Variants in MAPK1IP1L observed in about 807,000 individuals in gnomAD.
The protein encoded by MAPK1IP1L is MAPK-interacting and spindle-stabilizing protein-like.
MAPK1IP1L carries 10 observed loss-of-function variants against 18.1 expected under a neutral mutation model. That is an observed-to-expected ratio of 0.55 (90% CI 0.34 to 0.94). The LOEUF (loss-of-function observed/expected upper bound fraction) is 0.94. Ranked by LOEUF, MAPK1IP1L falls within the 40% of genes least tolerant of loss-of-function variation. MAPK1IP1L has a pLI of 0.02. For missense variants in MAPK1IP1L, 260 were observed against 318.2 expected (o/e 0.82, Z 1.39); for synonymous variants, 115 against 117.3 (o/e 0.98, Z 0.13).
At chr14:55,058,220 A>G (rs1383147170) in intron 1 of MAPK1IP1L, among the ~76,000 whole-genome samples, 1 of 152,230 alleles carries the variant, frequency 6.6e-6, no homozygotes, top group Non-Finnish European at 1.5e-5. Context: ...TAAAGATGGG[A>G]GAATGAGCCA....
In MAPK1IP1L at chr14:55,064,683, A is replaced by G. The variant is rs112088777; in HGVS notation, c.*56A>G. 3.3e-6 allele frequency: 5 copies of G among 1,528,670 alleles called. No individual in the cohort carries two copies. The highest frequency in any genetic ancestry group is 4.5e-6 in the Non-Finnish European group (5 of 1,110,072). 94.7% of individuals were successfully genotyped at this position (1,528,670 alleles called of 1,614,324 possible). A position where few individuals can be genotyped will look rare whatever the true frequency, so the allele number is the denominator to read the frequency against. On this transcript the variant is annotated 3_prime_UTR_variant, in exon 4 of 4. Coordinates refer to ENST00000395468, the MANE Select transcript of MAPK1IP1L (RefSeq NM_144578.4). ...CTTTTTGAAGTACATGTATATGCAC[A>G]TGAATGCATATATAAAAATTGCTGG...
intron 3 of MAPK1IP1L, 50 bp downstream of exon 3, chr14:55,063,375 C>T: frequency 6.9e-7 from 1 of 1,448,036 alleles, no homozygotes; most frequent in Non-Finnish European, 9.4e-7. Context: ...CATAGCACAA[C>T]TGACATTGTT....
chr14:55,051,856 G>C (rs1186379910), intron 1 of MAPK1IP1L, 53 bp downstream of exon 1: 1 of 437,682 alleles, frequency 2.3e-6, no homozygotes, highest in Non-Finnish European at 4.6e-6. Flanking sequence ...GGGGAGCTGG[G>C]GTTGCGGAGC....
intron 2 of MAPK1IP1L, 106 bp downstream of exon 2, chr14:55,061,807 C>T (rs2042820088): frequency 1.1e-6 from 1 of 916,002 alleles, no homozygotes; most frequent in Non-Finnish European, 1.6e-6. Flanking sequence ...ATGCTTTAAC[C>T]AGGCATGGTG....
rs1356481437 is a variant in MAPK1IP1L at position 55,062,628 on chromosome 14, C to T, written c.29C>T (p.Ala10Val). Reference sequence around the variant, plus strand: ...TGTTTTGTGTTCCAGTTGGCAGATGCACTACCTGAACACTCCCCTGCCAAA... The same window carrying T: ...TGTTTTGTGTTCCAGTTGGCAGATGTACTACCTGAACACTCCCCTGCCAAA... MSDEFSLAD[A>V]LPEHSPAKTS... Residue 10 changes from alanine (A) to valine (V), a missense_variant, in exon 3 of 4, where the codon GCA becomes GTA. Ala to Val is a moderately conservative substitution (Grantham distance 64). Transcript: ENST00000395468. The T allele has an allele frequency of 3.1e-6, 5 of 1,609,204 alleles. No homozygotes were observed. The highest frequency in any genetic ancestry group is 3.3e-4 in the Middle Eastern group (2 of 6,034).
rs531621252 is a variant in MAPK1IP1L at position 55,061,077 on chromosome 14, G to A, written c.-4-603G>A. On this transcript the variant is annotated intron_variant, in intron 1 of 3. Transcript: ENST00000395468. ...AGGCAAGAAGATGACTTGAGCCCAG[G>A]AGGTCAAGATTGCAGTGAGCTGTGA... Among the ~76,000 whole-genome samples the A allele has an allele frequency of 1.2e-4, 19 of 152,234 alleles. No individual in the cohort carries two copies. The South Asian group carries it at 3.9e-3, about 32-fold the overall frequency.
intron 1 of MAPK1IP1L, among the ~76,000 whole-genome samples, chr14:55,057,812 A>G (rs7161656): frequency 0.51 from 77,992 of 151,594 alleles, 21,881 homozygotes; most frequent in African/African-American, 0.75. Context: ...TAGCATGCCT[A>G]TGGTCCCAGC....
At chr14:55,060,295 C>G (rs113772282) in intron 1 of MAPK1IP1L, 6,289 of 150,952 alleles carry the variant, frequency 0.042, 140 homozygotes, top group Middle Eastern at 0.074. Context: ...CCTCAGCCTC[C>G]CAAGTAGCTG....
At chr14:55,052,957 G>A (rs1420004672) in intron 1 of MAPK1IP1L, among the ~76,000 whole-genome samples, 1 of 152,186 alleles carries the variant, frequency 6.6e-6, no homozygotes, top group Non-Finnish European at 1.5e-5. Context: ...AGTCATGTTA[G>A]ACGAGAGATA....
At chr14:55,053,952 C>A (rs899998020) in intron 1 of MAPK1IP1L, among the ~76,000 whole-genome samples, 1 of 152,126 alleles carries the variant, frequency 6.6e-6, no homozygotes, top group African/African-American at 2.4e-5. Flanking sequence ...AGAAGTGTTT[C>A]AGATTTTGGA....
At chr14:55,057,108 T>A (rs1428900601) in intron 1 of MAPK1IP1L, among the ~76,000 whole-genome samples, 1 of 152,220 alleles carries the variant, frequency 6.6e-6, no homozygotes, top group Non-Finnish European at 1.5e-5. Context: ...TGTAATTTTT[T>A]AAAATCTCAA....
At chr14:55,060,978 T>C (rs771838182) in intron 1 of MAPK1IP1L, among the ~76,000 whole-genome samples, 6 of 152,090 alleles carry the variant, frequency 3.9e-5, no homozygotes, top group Non-Finnish European at 8.8e-5. Context: ...GTCTCTGCAA[T>C]AAATTTTTAA....
At position 55,069,572 on chromosome 14, in the gene MAPK1IP1L, T is replaced by C. The variant is rs1239215358; in HGVS notation, c.*4945T>C. The C allele has an allele frequency of 1.3e-5, 2 of 152,618 alleles. No individual in the cohort carries two copies. The highest frequency in any genetic ancestry group is 1.9e-4 in the East Asian group (1 of 5,200). The allele number at this position is 152,618 out of a possible 1,614,324, so 9.5% of individuals were successfully genotyped here. A position where few individuals can be genotyped will look rare whatever the true frequency, so the allele number is the denominator to read the frequency against. On this transcript the variant is annotated 3_prime_UTR_variant, in exon 4 of 4. Coordinates refer to ENST00000395468, the MANE Select transcript of MAPK1IP1L (RefSeq NM_144578.4). ...AGATTTTTCATGTTATTTTATTCTT[T>C]AGGCCCAATTCTGGGCTTCTCTGAG...
At chr14:55,053,003 C>T (rs1356838230) in intron 1 of MAPK1IP1L, among the ~76,000 whole-genome samples, 2 of 152,218 alleles carry the variant, frequency 1.3e-5, no homozygotes, top group African/African-American at 2.4e-5. Context: ...CATAATCCAA[C>T]ATTAATATTT....
At chr14:55,052,616 A>C (rs542024742) in intron 1 of MAPK1IP1L, among the ~76,000 whole-genome samples, 1 of 152,348 alleles carries the variant, frequency 6.6e-6, no homozygotes, top group African/African-American at 2.4e-5. Flanking sequence ...TTTTACTACT[A>C]GAGAAATACA....
rs866053354 is a variant in MAPK1IP1L at position 55,063,252 on chromosome 14, A to G, written c.653A>G (p.Tyr218Cys). 3.1e-6 allele frequency: 5 copies of G among 1,614,124 alleles called. No homozygotes were observed. The highest frequency in any genetic ancestry group is 1.1e-5 in the South Asian group (1 of 91,086). ...PTGSYPTPGL[Y>C]PTPSNPFQVP... ...GGATCGTATCCCACACCAGGACTCT[A>G]TCCTACTCCCAGTAATCCTTTCCAA... is the stretch of plus-strand genomic sequence containing the variant. Residue 218 changes from tyrosine to cysteine, a missense_variant, in exon 3 of 4, where the codon TAT becomes TGT. Transcript: ENST00000395468.
rs549700331 is a variant in MAPK1IP1L, at chr14:55,064,839, G to A, written c.*212G>A. ...ATAAAAGCATAGAAGTAAATCATTC[G>A]GATGTGATTTTTATTTGGTTTTCAT... On this transcript the variant is annotated 3_prime_UTR_variant, in exon 4 of 4. Coordinates refer to ENST00000395468, the MANE Select transcript of MAPK1IP1L (RefSeq NM_144578.4). 2.8e-4 allele frequency: 119 copies of A among 426,610 alleles called. No homozygotes were observed. Among genetic ancestry groups the A allele is most frequent in the African/African-American group, 1.9e-3 (91 of 49,172 alleles). 26.4% of individuals were successfully genotyped at this position (426,610 alleles called of 1,614,324 possible).
chr14:55,056,775 C>T (rs2042775595), intron 1 of MAPK1IP1L, among the ~76,000 whole-genome samples: 1 of 152,170 alleles, frequency 6.6e-6, no homozygotes, highest in Non-Finnish European at 1.5e-5. Context: ...TCCCAAAGTG[C>T]TGGGATTACA....
rs564043146 is a variant in MAPK1IP1L, at chr14:55,068,738, A to G, written c.*4111A>G. On this transcript the variant is annotated 3_prime_UTR_variant, in exon 4 of 4. Coordinates refer to ENST00000395468, the MANE Select transcript of MAPK1IP1L (RefSeq NM_144578.4). ...CTGCCAAGTAAAACAGAAATTGCCA[A>G]TAAAATAATCAGTATTTTGTAAATG... 7 of 152,386 alleles carry G rather than the reference A, an allele frequency of 4.6e-5. No homozygotes were observed. The highest frequency in any genetic ancestry group is 1.7e-4 in the African/African-American group (7 of 41,604). The allele number at this position is 152,386 out of a possible 1,614,324, so 9.4% of individuals were successfully genotyped here.
Sources: gnomAD v4.1 joint callset for allele counts (sites outside exome capture counted in the v4.1 genomes callset) on GRCh38, gnomAD v4.1.1 for gene constraint, MANE v1.5 for transcripts, NCBI Gene and HGNC (gene_info 2026-07-23, HGNC 2026-07-21) for gene names.